Variants in KCNQ5 observed in about 807,000 individuals in gnomAD.
The protein encoded by KCNQ5 is potassium voltage-gated channel subfamily KQT member 5.
Under a neutral mutation model 98.2 loss-of-function variants are expected in KCNQ5, and 30 were observed. The observed-to-expected ratio is 0.31, with a 90% CI of 0.23 to 0.41. The LOEUF (loss-of-function observed/expected upper bound fraction) is 0.41. KCNQ5 is among the 10% of genes least tolerant of loss of function. The pLI is 1.00. For missense variants in KCNQ5, 835 were observed against 1,182.5 expected (o/e 0.71, Z 4.31); for synonymous variants, 458 against 449.4 (o/e 1.02, Z -0.24).
intron 3 of KCNQ5, among the ~76,000 whole-genome samples, chr6:73,062,329 A>G (rs1468481850): frequency 3.3e-5 from 5 of 152,298 alleles, no homozygotes; most frequent in Non-Finnish European, 5.9e-5. Context: ...AGCGTCTTCT[A>G]TGCAAACCAT....
intron 1 of KCNQ5, among the ~76,000 whole-genome samples, chr6:72,805,297 G>C (rs1214899357): frequency 6.6e-6 from 1 of 151,944 alleles, no homozygotes; most frequent in East Asian, 1.9e-4. Flanking sequence ...TCATAGTTTG[G>C]GGTCTTAGAC....
At chr6:72,724,500 A>G (rs1582173924) in intron 1 of KCNQ5, among the ~76,000 whole-genome samples, 2 of 152,218 alleles carry the variant, frequency 1.3e-5, no homozygotes, top group African/African-American at 4.8e-5. Context: ...CCTAGAACAT[A>G]AAAGGGGTAA....
chr6:72,657,581 G>T (rs527547718), intron 1 of KCNQ5, among the ~76,000 whole-genome samples: 10 of 152,232 alleles, frequency 6.6e-5, no homozygotes, highest in South Asian at 2.1e-4. Context: ...AAAGAAACAG[G>T]GTCTTGTTCA....
At chr6:72,757,765 A>T (rs1350603995) in intron 1 of KCNQ5, among the ~76,000 whole-genome samples, 1 of 152,180 alleles carries the variant, frequency 6.6e-6, no homozygotes, top group Non-Finnish European at 1.5e-5. Flanking sequence ...TACTTTTCAG[A>T]ATTTCTCGCT....
At chr6:72,859,888 C>A (rs142375160) in intron 1 of KCNQ5, among the ~76,000 whole-genome samples, 3 of 152,144 alleles carry the variant, frequency 2.0e-5, no homozygotes, top group African/African-American at 7.2e-5. Context: ...CTGTGCCTGA[C>A]CTGTTCCTGA....
At chr6:72,963,541 T>TA (rs1767473111) in intron 1 of KCNQ5, among the ~76,000 whole-genome samples, 1 of 152,218 alleles carries the variant, frequency 6.6e-6, no homozygotes, top group Non-Finnish European at 1.5e-5. Flanking sequence ...AGGAGTATTG[T>TA]TTAGCAAATA....
intron 10 of KCNQ5, among the ~76,000 whole-genome samples, chr6:73,160,446 G>A (rs574909864): frequency 1.3e-5 from 2 of 152,316 alleles, no homozygotes; most frequent in African/African-American, 4.8e-5. Context: ...GTTTTTTGAT[G>A]GCTGCGAGTA....
chr6:72,965,474 AAAT>A (rs1365364792), intron 1 of KCNQ5, among the ~76,000 whole-genome samples: 1 of 152,202 alleles, frequency 6.6e-6, no homozygotes, highest in African/African-American at 2.4e-5. Flanking sequence ...CTGCCACTGC[AAAT>A]AATGAGAAAT....
chr6:72,901,575 A>G (rs1297593039), intron 1 of KCNQ5, among the ~76,000 whole-genome samples: 4 of 152,148 alleles, frequency 2.6e-5, no homozygotes, highest in African/African-American at 9.7e-5. Context: ...TGGCTTGCCA[A>G]TTATCCCAGC....
chr6:72,878,600 A>G (rs1419952644), intron 1 of KCNQ5, among the ~76,000 whole-genome samples: 1 of 152,166 alleles, frequency 6.6e-6, no homozygotes, highest in Non-Finnish European at 1.5e-5. Flanking sequence ...AAATCTGGGC[A>G]TTAGGGGTGC....
At chr6:73,133,327 A>C in intron 9 of KCNQ5, 94 bp from the exon 10 acceptor site, 1 of 1,033,272 alleles carries the variant, frequency 9.7e-7, no homozygotes, top group South Asian at 1.5e-5. Context: ...TGTCTATTGA[A>C]ATATATGACC....
intron 1 of KCNQ5, among the ~76,000 whole-genome samples, chr6:72,763,855 G>A (rs1247732777): frequency 6.6e-6 from 1 of 151,822 alleles, no homozygotes; most frequent in Non-Finnish European, 1.5e-5. Context: ...AAAAAACCTG[G>A]GTTGAATTCT....
At chr6:73,079,020 A>T (rs909614491) in intron 5 of KCNQ5, among the ~76,000 whole-genome samples, 2 of 152,194 alleles carry the variant, frequency 1.3e-5, no homozygotes, top group Non-Finnish European at 2.9e-5. Flanking sequence ...AAATAATCAT[A>T]GCCAAACATG....
intron 11 of KCNQ5, among the ~76,000 whole-genome samples, chr6:73,175,816 A>G (rs768756852): frequency 2.0e-5 from 3 of 152,194 alleles, no homozygotes; most frequent in Non-Finnish European, 4.4e-5. Context: ...ATATTACTAC[A>G]GTGACAGGAC....
chr6:72,655,186 A>G (rs1337965608), intron 1 of KCNQ5, among the ~76,000 whole-genome samples: 2 of 150,610 alleles, frequency 1.3e-5, no homozygotes, highest in African/African-American at 4.9e-5. Flanking sequence ...AAAAAAAAAA[A>G]CAGAGAAAAA....
chr6:72,997,048 A>G (rs933789175), intron 1 of KCNQ5, among the ~76,000 whole-genome samples: 1 of 152,162 alleles, frequency 6.6e-6, no homozygotes, highest in African/African-American at 2.4e-5. Flanking sequence ...GAGAAAATCA[A>G]TTTCCAACGG....
At chr6:72,839,263 T>TA (rs1426900948) in intron 1 of KCNQ5, among the ~76,000 whole-genome samples, 3 of 152,204 alleles carry the variant, frequency 2.0e-5, no homozygotes, top group Admixed American at 2.0e-4. Flanking sequence ...ATACTGGTGT[T>TA]ATTATTTTTA....
At chr6:72,743,757 G>A (rs776991552) in intron 1 of KCNQ5, among the ~76,000 whole-genome samples, 5 of 152,116 alleles carry the variant, frequency 3.3e-5, no homozygotes, top group African/African-American at 7.2e-5. Context: ...GACGAACTGC[G>A]GACTCTAATC....
intron 1 of KCNQ5, among the ~76,000 whole-genome samples, chr6:72,938,745 T>C (rs2150236809): frequency 6.6e-6 from 1 of 152,132 alleles, no homozygotes; most frequent in South Asian, 2.1e-4. Flanking sequence ...AGAAAGCTTT[T>C]TTAAAAAAAT....
Sources: gnomAD v4.1 joint callset for allele counts (sites outside exome capture counted in the v4.1 genomes callset) on GRCh38, gnomAD v4.1.1 for gene constraint, MANE v1.5 for transcripts, NCBI Gene and HGNC (gene_info 2026-07-23, HGNC 2026-07-21) for gene names.